Variants in AIG1 observed in about 807,000 individuals in gnomAD.
AIG1 encodes the protein androgen induced 1.
In AIG1, 23 loss-of-function variants were observed where a neutral mutation model predicts 31.4. The observed-to-expected ratio is 0.73, with a 90% CI of 0.53 to 1.04. AIG1 has a LOEUF of 1.04. Ranked by LOEUF, AIG1 falls within the 50% of genes least tolerant of loss-of-function variation. The pLI is 0.00. For synonymous variants in AIG1, 100 were observed against 110.5 expected (o/e 0.90, Z 0.60); for missense variants, 274 against 295.0 (o/e 0.93, Z 0.52).
intron 3 of AIG1, among the ~76,000 whole-genome samples, chr6:143,185,159 G>A (rs1789130245): frequency 6.7e-6 from 1 of 148,816 alleles, no homozygotes; most frequent in Non-Finnish European, 1.5e-5. Context: ...TTGTGCCACT[G>A]CACTCCAGCC....
intron 3 of AIG1, among the ~76,000 whole-genome samples, chr6:143,253,872 T>C (rs1158867254): frequency 1.3e-5 from 2 of 152,016 alleles, no homozygotes; most frequent in East Asian, 1.9e-4. Context: ...AAACGCCACC[T>C]CCTTTCCCTA....
chr6:143,158,199 A>G (rs944798489), intron 2 of AIG1, among the ~76,000 whole-genome samples: 2 of 152,140 alleles, frequency 1.3e-5, no homozygotes, highest in Non-Finnish European at 2.9e-5. Flanking sequence ...TGTTGACCTT[A>G]GTACACCCAC....
intron 1 of AIG1, among the ~76,000 whole-genome samples, chr6:143,128,629 G>C (rs926645874): frequency 8.5e-5 from 13 of 152,226 alleles, no homozygotes; most frequent in Non-Finnish European, 1.3e-4. Context: ...TCCTGCTTAA[G>C]ATCCACTTGT....
chr6:143,120,197 G>A lies in AIG1; in HGVS notation c.142-16638G>A, dbSNP rs147497558. Among the ~76,000 whole-genome samples the A allele has an allele frequency of 7.4e-3, 1,133 of 152,280 alleles. 13 individuals carry two copies. Among genetic ancestry groups the A allele is most frequent in the African/African-American group, 0.026 (1,096 of 41,540 alleles). ...GATCTGCCTGCCTTGGCCTCCCAAAGTGCTGGGATTACAGGTGTGAGCCAC... is the reference window on the plus strand; with the variant it reads ...GATCTGCCTGCCTTGGCCTCCCAAAATGCTGGGATTACAGGTGTGAGCCAC... On this transcript the variant is annotated intron_variant, in intron 1 of 5. Transcript: ENST00000357847.
At chr6:143,093,751 A>G (rs959203997) in intron 1 of AIG1, among the ~76,000 whole-genome samples, 1 of 152,186 alleles carries the variant, frequency 6.6e-6, no homozygotes, top group African/African-American at 2.4e-5. Context: ...GGATATTAAT[A>G]GGCCCAATTT....
chr6:143,133,117 A>G (rs1036746629), intron 1 of AIG1, among the ~76,000 whole-genome samples: 6 of 152,106 alleles, frequency 3.9e-5, no homozygotes, highest in African/African-American at 1.4e-4. Flanking sequence ...GATGATGGAC[A>G]TTGTGCGCTA....
At chr6:143,308,897 T>G (rs1169453508) in intron 4 of AIG1, among the ~76,000 whole-genome samples, 1 of 152,112 alleles carries the variant, frequency 6.6e-6, no homozygotes, top group Non-Finnish European at 1.5e-5. Context: ...ACAGTCTGAG[T>G]GTAACATCCA....
intron 3 of AIG1, among the ~76,000 whole-genome samples, chr6:143,249,318 G>A (rs924818533): frequency 3.9e-5 from 6 of 152,134 alleles, no homozygotes; most frequent in Non-Finnish European, 5.9e-5. Context: ...AGTATTCCTC[G>A]ACGACGACGA....
chr6:143,098,012 T>A (rs1042984401), intron 1 of AIG1, among the ~76,000 whole-genome samples: 8 of 152,230 alleles, frequency 5.3e-5, no homozygotes, highest in Non-Finnish European at 8.8e-5. Context: ...TTTCAATTGC[T>A]TCATTTCCAT....
At chr6:143,075,114 T>C (rs1183957217) in intron 1 of AIG1, among the ~76,000 whole-genome samples, 2 of 152,246 alleles carry the variant, frequency 1.3e-5, no homozygotes, top group Non-Finnish European at 2.9e-5. Flanking sequence ...TATCTTTCTC[T>C]TATTGTCTGT....
At chr6:143,117,431 G>A (rs1056945389) in intron 1 of AIG1, among the ~76,000 whole-genome samples, 1 of 152,204 alleles carries the variant, frequency 6.6e-6, no homozygotes, top group Non-Finnish European at 1.5e-5. Context: ...TATTTTTAAA[G>A]ATAGAGCCAA....
At chr6:143,134,709 T>G (rs1285270347) in intron 1 of AIG1, among the ~76,000 whole-genome samples, 1 of 152,072 alleles carries the variant, frequency 6.6e-6, no homozygotes, top group Non-Finnish European at 1.5e-5. Flanking sequence ...TTCGACTTTA[T>G]GCTGGTGTGA....
At chr6:143,342,533 G>T, downstream of AIG1, 1 of 817,936 alleles carries the variant, frequency 1.2e-6, no homozygotes, top group South Asian at 1.3e-5. Flanking sequence ...ATCCTATAAG[G>T]ACTCTCATAA....
chr6:143,141,079 T>A (rs1035861355), intron 2 of AIG1, among the ~76,000 whole-genome samples: 13 of 152,318 alleles, frequency 8.5e-5, no homozygotes, highest in African/African-American at 3.1e-4. Context: ...TATTTTTGCT[T>A]CATGGTGCAG....
intron 1 of AIG1, among the ~76,000 whole-genome samples, chr6:143,107,475 G>T (rs1480215897): frequency 6.6e-6 from 1 of 152,154 alleles, no homozygotes; most frequent in African/African-American, 2.4e-5. Context: ...CGAGTGAACT[G>T]AGATATTTTT....
intron 3 of AIG1, among the ~76,000 whole-genome samples, chr6:143,207,632 C>T (rs918574078): frequency 2.6e-5 from 4 of 152,064 alleles, no homozygotes; most frequent in African/African-American, 9.7e-5. Flanking sequence ...GTTCTTTGGG[C>T]TTCCATAGCA....
chr6:143,129,011 G>A (rs1782953853), intron 1 of AIG1, among the ~76,000 whole-genome samples: 1 of 152,192 alleles, frequency 6.6e-6, no homozygotes, highest in Non-Finnish European at 1.5e-5. Context: ...GGAAAAAATG[G>A]CTGGGCGCGG....
At chr6:143,168,798 T>A (rs573396618) in intron 3 of AIG1, among the ~76,000 whole-genome samples, 34 of 152,202 alleles carry the variant, frequency 2.2e-4, no homozygotes, top group African/African-American at 7.9e-4. Context: ...AGTGAGACCC[T>A]GTCTCAAGAA....
intron 4 of AIG1, among the ~76,000 whole-genome samples, chr6:143,308,016 C>T (rs1032486617): frequency 1.3e-4 from 20 of 152,214 alleles, no homozygotes; most frequent in Admixed American, 7.2e-4. Flanking sequence ...GAGCCATGTG[C>T]GGGATATAAT....
Sources: allele counts gnomAD v4.1 joint callset (sites outside exome capture counted in the v4.1 genomes callset), GRCh38; gene constraint gnomAD v4.1.1; transcripts MANE v1.5; gene names NCBI Gene and HGNC (gene_info 2026-07-23, HGNC 2026-07-21).